Variants in HECW1 observed in about 807,000 individuals in gnomAD.
HECW1 encodes HECT, C2 and WW domain containing E3 ubiquitin protein ligase 1.
Under a neutral mutation model 182.3 loss-of-function variants are expected in HECW1, and 61 were observed. That is an observed-to-expected ratio of 0.33 (90% CI 0.27 to 0.41). HECW1 has a LOEUF of 0.41. Among genes scored for constraint, HECW1 ranks in the 10% least tolerant of loss-of-function variants. The pLI is 1.00. For missense variants in HECW1, 1,739 were observed against 2,108.9 expected, an observed-to-expected ratio of 0.82 and a Z score of 3.44; for synonymous variants, 859 against 832.6, an observed-to-expected ratio of 1.03 and a Z score of -0.55.
chr7:43,319,403 A>AAAAAG (rs1316076093), intron 4 of HECW1, among the ~76,000 whole-genome samples: 2 of 146,688 alleles, frequency 1.4e-5, no homozygotes, highest in East Asian at 4.0e-4. Context: ...CAAAAAAAAA[A>AAAAAG]AAAAAAGAGA....
chr7:43,556,113 A>G (rs943417569), intron 29 of HECW1, among the ~76,000 whole-genome samples: 15 of 152,202 alleles, frequency 9.9e-5, no homozygotes, highest in Admixed American at 7.9e-4. Flanking sequence ...AGAGGAGCAC[A>G]GGGGGTAAGA....
chr7:43,322,024 G>T (rs1810186651), intron 5 of HECW1, among the ~76,000 whole-genome samples: 1 of 152,184 alleles, frequency 6.6e-6, no homozygotes, highest in African/African-American at 2.4e-5. Context: ...TATGGTTTCT[G>T]GCTCTTGTGT....
intron 16 of HECW1, among the ~76,000 whole-genome samples, chr7:43,474,178 G>A (rs1272414265): frequency 5.3e-5 from 8 of 152,192 alleles, no homozygotes; most frequent in African/African-American, 1.2e-4. Flanking sequence ...GGCCAGGCGC[G>A]GTGGCTCACG....
intron 12 of HECW1, 71 bp downstream of exon 12, chr7:43,451,000 T>C (rs183246615): frequency 9.9e-5 from 103 of 1,039,782 alleles, no homozygotes; most frequent in Admixed American, 7.2e-4. Flanking sequence ...TATGAATTTG[T>C]GTGTAAACAT....
chr7:43,367,504 C>A (rs995689291), intron 6 of HECW1, among the ~76,000 whole-genome samples: 2 of 152,100 alleles, frequency 1.3e-5, no homozygotes, highest in African/African-American at 2.4e-5. Flanking sequence ...TGTCTGCTAG[C>A]CTTTTCTTAG....
intron 3 of HECW1, among the ~76,000 whole-genome samples, chr7:43,276,832 A>G (rs1185533814): frequency 6.6e-6 from 1 of 152,206 alleles, no homozygotes; most frequent in South Asian, 2.1e-4. Context: ...TCTTAGTTTT[A>G]CTTTTCCTAA....
intron 7 of HECW1, among the ~76,000 whole-genome samples, chr7:43,405,653 C>T (rs1012648250): frequency 6.6e-6 from 1 of 152,108 alleles, no homozygotes; most frequent in Non-Finnish European, 1.5e-5. Flanking sequence ...CATCAAACTT[C>T]CGGCCTCCCA....
chr7:43,437,684 T>G (rs1311213395), intron 8 of HECW1, among the ~76,000 whole-genome samples: 2 of 152,244 alleles, frequency 1.3e-5, no homozygotes, highest in East Asian at 3.9e-4. Flanking sequence ...CAGGTGAGTT[T>G]GTGCTTGTTC....
At chr7:43,372,352 A>C (rs73099571) in intron 6 of HECW1, among the ~76,000 whole-genome samples, 3,606 of 151,956 alleles carry the variant, frequency 0.024, 123 homozygotes, top group African/African-American at 0.075. Context: ...ACAAAGGGTT[A>C]TTTTCCTTTT....
intron 5 of HECW1, among the ~76,000 whole-genome samples, chr7:43,351,799 T>C (rs192666846): frequency 1.3e-5 from 2 of 152,148 alleles, no homozygotes; most frequent in East Asian, 3.9e-4. Flanking sequence ...ATGATGCTAC[T>C]TTCCTCCTGA....
chr7:43,255,346 C>G (rs1800445762), intron 3 of HECW1, among the ~76,000 whole-genome samples: 2 of 152,166 alleles, frequency 1.3e-5, no homozygotes, highest in African/African-American at 4.8e-5. Context: ...TGCCTGTAAT[C>G]CCAGCACTTT....
intron 24 of HECW1, among the ~76,000 whole-genome samples, chr7:43,530,781 C>T (rs906693753): frequency 2.6e-5 from 4 of 152,232 alleles, no homozygotes; most frequent in African/African-American, 9.6e-5. Flanking sequence ...TGCTGCTGCT[C>T]ACTGTCCTGC....
intron 2 of HECW1, among the ~76,000 whole-genome samples, chr7:43,225,816 A>G (rs1301280595): frequency 6.6e-6 from 1 of 151,886 alleles, no homozygotes; most frequent in Non-Finnish European, 1.5e-5. Flanking sequence ...ACAGGGTCTC[A>G]CTGTGTCACC....
At chr7:43,559,630 CT>C (rs2082145450) in intron 29 of HECW1, among the ~76,000 whole-genome samples, 1 of 152,100 alleles carries the variant, frequency 6.6e-6, no homozygotes, top group Admixed American at 6.5e-5. Context: ...TGTCATAAAG[CT>C]GGTAAGTGAC....
chr7:43,337,518 G>A (rs2152797746), intron 5 of HECW1, among the ~76,000 whole-genome samples: 1 of 152,340 alleles, frequency 6.6e-6, no homozygotes, highest in Middle Eastern at 3.4e-3. Flanking sequence ...GACATCTCTA[G>A]GTCAGCCAAG....
chr7:43,156,530 G>A (rs1789901691), intron 2 of HECW1, among the ~76,000 whole-genome samples: 1 of 152,190 alleles, frequency 6.6e-6, no homozygotes, highest in South Asian at 2.1e-4. Context: ...TCAAAATGAT[G>A]TGTATCTATT....
chr7:43,418,222 C>T (rs1053508361), intron 8 of HECW1, among the ~76,000 whole-genome samples: 2 of 152,198 alleles, frequency 1.3e-5, no homozygotes, highest in African/African-American at 4.8e-5. Flanking sequence ...AACTTGATTA[C>T]ATCTGTAAAG....
At chr7:43,113,465 G>A (rs540714543) in intron 1 of HECW1, among the ~76,000 whole-genome samples, 1 of 152,298 alleles carries the variant, frequency 6.6e-6, no homozygotes, top group South Asian at 2.1e-4. Flanking sequence ...CTCGCTCGAG[G>A]GGCGCGTGGC....
intron 12 of HECW1, among the ~76,000 whole-genome samples, chr7:43,454,257 G>T (rs1210291251): frequency 1.3e-5 from 2 of 152,224 alleles, no homozygotes; most frequent in African/African-American, 4.8e-5. Flanking sequence ...AGTTCAGAGT[G>T]AGTGCTACAC....
Sources: allele counts gnomAD v4.1 joint callset (sites outside exome capture counted in the v4.1 genomes callset), GRCh38; gene constraint gnomAD v4.1.1; transcripts MANE v1.5; gene names NCBI Gene and HGNC (gene_info 2026-07-23, HGNC 2026-07-21).